Variants in GRIA3 observed in about 807,000 individuals in gnomAD.
GRIA3 encodes glutamate receptor 3.
Under a neutral mutation model 63.0 loss-of-function variants are expected in GRIA3, and 3 were observed. The ratio of observed to expected loss-of-function variants is 0.05; its 90% CI spans 0.02 to 0.12. The LOEUF (loss-of-function observed/expected upper bound fraction) is 0.12. Ranked by LOEUF, GRIA3 falls within the 10% of genes least tolerant of loss-of-function variation. The probability of loss-of-function intolerance (pLI) is 1.00; values close to 1 mark genes in which losing one functional copy is unlikely to be tolerated. For missense variants in GRIA3, 347 were observed against 700.9 expected (o/e 0.50, Z 5.70); for synonymous variants, 274 against 257.9 (o/e 1.06, Z -0.60).
chrX:123,484,754 A>G (rs1018983521), intron 15 of GRIA3, among the ~76,000 whole-genome samples: 3 of 112,763 alleles, frequency 2.7e-5, no homozygotes, highest in African/African-American at 3.2e-5. Context: ...AAGTGCTGGG[A>G]TTACAGGCGT....
intron 13 of GRIA3, among the ~76,000 whole-genome samples, chrX:123,477,303 T>A (rs2147443384): frequency 8.9e-6 from 1 of 112,703 alleles, no homozygotes; most frequent in African/African-American, 3.2e-5. Flanking sequence ...TGTTCATGTA[T>A]TCATTGATTC....
intron 12 of GRIA3, among the ~76,000 whole-genome samples, chrX:123,442,833 CTTTT>C (rs11349023): frequency 1.0e-5 from 1 of 98,873 alleles, no homozygotes; most frequent in Non-Finnish European, 2.0e-5. Context: ...TTCTGCTTTG[CTTTT>C]TTTTTTTTTT....
chrX:123,378,348 AT>A (rs1281416652), intron 5 of GRIA3, among the ~76,000 whole-genome samples: 1 of 108,116 alleles, frequency 9.2e-6, no homozygotes, highest in Non-Finnish European at 1.9e-5. Flanking sequence ...TTTAATATTC[AT>A]TTTTGTAGTG....
chrX:123,375,396 T>C (rs974877794), intron 5 of GRIA3, among the ~76,000 whole-genome samples: 1 of 112,114 alleles, frequency 8.9e-6, no homozygotes, highest in African/African-American at 3.2e-5. Flanking sequence ...CCTCTAGCTT[T>C]CTTTTTTTGA....
chrX:123,252,340 ACAC>A (rs2044395371), intron 2 of GRIA3, among the ~76,000 whole-genome samples: 1 of 112,488 alleles, frequency 8.9e-6, no homozygotes, highest in Non-Finnish European at 1.9e-5. Context: ...CCCTTAAATC[ACAC>A]CACATTATGC....
chrX:123,456,768 T>C (rs1014134304), intron 12 of GRIA3, among the ~76,000 whole-genome samples: 25 of 111,704 alleles, frequency 2.2e-4, no homozygotes, highest in African/African-American at 8.1e-4. Context: ...GGATCACCTA[T>C]GCATATCCTA....
chrX:123,417,331 A>C lies in GRIA3; in HGVS notation c.1501-71A>C. On this transcript the variant is annotated intron_variant, in intron 10 of 15. Coordinates refer to ENST00000620443, the MANE Select transcript of GRIA3 (RefSeq NM_007325.5). ...GATATTTTCACCAAAGAAGTATATT[A>C]AGCGACAAATAACTGATTAAAGACT... 3.4e-6 allele frequency: 3 copies of C among 885,258 alleles called. No individual in the cohort carries two copies. In the South Asian group the frequency reaches 6.3e-5, roughly 19 times the overall value. The allele number at this position is 885,258 out of a possible 1,213,427, so 73.0% of individuals were successfully genotyped here. A position where few individuals can be genotyped will look rare whatever the true frequency, so the allele number is the denominator to read the frequency against.
chrX:123,412,221 G>T (rs1354747961), intron 10 of GRIA3, among the ~76,000 whole-genome samples: 1 of 111,661 alleles, frequency 9.0e-6, no homozygotes, highest in Admixed American at 9.5e-5. Flanking sequence ...TTAGTTACAG[G>T]GTGGAGCATA....
chrX:123,465,791 C>T, intron 13 of GRIA3: 1 of 1,144,426 alleles, frequency 8.7e-7, no homozygotes. Context: ...ACTCCAAGGT[C>T]AGCCTCAATG....
At chrX:123,305,137 G>T (rs1372638037) in intron 3 of GRIA3, among the ~76,000 whole-genome samples, 1 of 111,972 alleles carries the variant, frequency 8.9e-6, no homozygotes, top group Non-Finnish European at 1.9e-5. Flanking sequence ...GGAGAAGCTT[G>T]CCTGAGCCAC....
chrX:123,335,003 C>T (rs1473941981), intron 4 of GRIA3, among the ~76,000 whole-genome samples: 1 of 109,236 alleles, frequency 9.2e-6, no homozygotes, highest in Non-Finnish European at 1.9e-5. Flanking sequence ...GCTGAAGAAG[C>T]TTGCAATCTA....
chrX:123,202,978 C>G (rs1425335642), intron 2 of GRIA3, among the ~76,000 whole-genome samples: 1 of 111,862 alleles, frequency 8.9e-6, no homozygotes, highest in Non-Finnish European at 1.9e-5. Context: ...AGAGTTGGTG[C>G]CAGCTGAAAA....
intron 11 of GRIA3, among the ~76,000 whole-genome samples, chrX:123,427,526 A>C (rs2045596096): frequency 9.1e-6 from 1 of 110,186 alleles, no homozygotes; most frequent in Admixed American, 9.8e-5. Context: ...AGGAGATGGT[A>C]AAAAAAATAT....
intron 1 of GRIA3, chrX:123,184,949 G>C (rs369375226): frequency 1.9e-5 from 8 of 419,667 alleles, no homozygotes; most frequent in African/African-American, 1.7e-4. Flanking sequence ...GATGCTGCAA[G>C]GGGGTGAAGA....
At chrX:123,282,460 C>G (rs1341351146) in intron 3 of GRIA3, among the ~76,000 whole-genome samples, 1 of 112,379 alleles carries the variant, frequency 8.9e-6, no homozygotes, top group African/African-American at 3.2e-5. Flanking sequence ...TCCTTCACTG[C>G]CTGGTTTCTC....
chrX:123,429,023 T>C (rs1442579958), intron 12 of GRIA3, among the ~76,000 whole-genome samples: 1 of 111,768 alleles, frequency 8.9e-6, no homozygotes, highest in Non-Finnish European at 1.9e-5. Flanking sequence ...CATTCTATAA[T>C]ATTACTACTG....
intron 2 of GRIA3, among the ~76,000 whole-genome samples, chrX:123,236,684 C>A (rs1229089795): frequency 1.8e-5 from 2 of 110,488 alleles, no homozygotes; most frequent in African/African-American, 6.6e-5. Flanking sequence ...TATGCAAATA[C>A]TTTTATTGCC....
intron 2 of GRIA3, among the ~76,000 whole-genome samples, chrX:123,251,944 A>G (rs926481642): frequency 8.9e-6 from 1 of 112,487 alleles, no homozygotes; most frequent in African/African-American, 3.2e-5. Flanking sequence ...ATGCAGGGAA[A>G]GCAAAATACT....
intron 2 of GRIA3, among the ~76,000 whole-genome samples, chrX:123,250,809 T>C (rs1432534750): frequency 8.9e-6 from 1 of 112,438 alleles, no homozygotes; most frequent in African/African-American, 3.2e-5. Context: ...TTAGTGTATG[T>C]ATGAATTTGA....
Sources: gnomAD v4.1 joint callset for allele counts (sites outside exome capture counted in the v4.1 genomes callset) on GRCh38, gnomAD v4.1.1 for gene constraint, MANE v1.5 for transcripts, NCBI Gene and HGNC (gene_info 2026-07-23, HGNC 2026-07-21) for gene names.